The following BABAM2 variants were observed in gnomAD, a reference collection of about 807,000 sequenced individuals.
BABAM2 encodes the protein BRISC and BRCA1-A complex member 2.
In BABAM2, 31 loss-of-function variants were observed where a neutral mutation model predicts 54.7. That is an observed-to-expected ratio of 0.57 (90% CI 0.43 to 0.77). The LOEUF is 0.77. Among genes scored for constraint, BABAM2 ranks in the 30% least tolerant of loss-of-function variants. The pLI is 0.00. For missense variants in BABAM2, 364 were observed against 455.8 expected, an observed-to-expected ratio of 0.80 and a Z score of 1.83; for synonymous variants, 167 against 162.9, an observed-to-expected ratio of 1.03 and a Z score of -0.19.
intron 1 of BABAM2, among the ~76,000 whole-genome samples, chr2:27,891,351 T>G (rs1471705895): frequency 2.0e-5 from 3 of 152,214 alleles, no homozygotes; most frequent in Non-Finnish European, 4.4e-5. Context: ...TCATTTTAAT[T>G]GCAAGAACCT....
Position 28,049,122 on chromosome 2 carries a change from T to C in BABAM2, c.570+3323T>C, listed in dbSNP as rs538767513. 3.9e-5 allele frequency among the ~76,000 whole-genome samples: 6 copies of C among 152,336 alleles called. No individual in the cohort carries two copies. The South Asian group carries it at 1.0e-3, about 26-fold the overall frequency. On this transcript the variant is annotated intron_variant, in intron 6 of 11. Coordinates refer to ENST00000379624, the MANE Select transcript of BABAM2 (RefSeq NM_199191.3). Reference sequence around the variant, plus strand: ...CAGTATTTTGGGGGATAGGAGAGGCTTACTTGTAAATATGATGTGTGTTTG... The same window carrying C: ...CAGTATTTTGGGGGATAGGAGAGGCCTACTTGTAAATATGATGTGTGTTTG...
At chr2:28,003,707 C>A (rs549538061) in intron 4 of BABAM2, among the ~76,000 whole-genome samples, 40 of 152,236 alleles carry the variant, frequency 2.6e-4, no homozygotes, top group African/African-American at 8.9e-4. Flanking sequence ...TTATTGATTA[C>A]TAGGTGGATT....
At chr2:27,959,844 G>A (rs1056108312) in intron 3 of BABAM2, among the ~76,000 whole-genome samples, 3 of 149,168 alleles carry the variant, frequency 2.0e-5, no homozygotes, top group Admixed American at 6.7e-5. Flanking sequence ...TTTTTTTTTC[G>A]TACTTTCAGT....
At chr2:28,246,565 C>G (rs1328964261) in intron 10 of BABAM2, among the ~76,000 whole-genome samples, 2 of 152,146 alleles carry the variant, frequency 1.3e-5, no homozygotes, top group African/African-American at 4.8e-5. Context: ...CTGTGGACAA[C>G]TCCATCACAG....
At position 28,325,088 on chromosome 2, in the gene BABAM2, T is replaced by C. The variant is rs888042807; in HGVS notation, c.1089-13362T>C. On this transcript the variant is annotated intron_variant, in intron 11 of 11. Transcript: ENST00000379624. This position sits in a 1 kb window ranked among gnomAD's most constrained non-coding sequence, Gnocchi z 4.3. ...AGTGCCACATACAGTGCACTCTGAT[T>C]TTATTTCACTTTATTTTAATGCTGC... Among the ~76,000 whole-genome samples, 3 of 152,168 alleles carry C rather than the reference T, an allele frequency of 2.0e-5. No homozygotes were observed. The highest frequency in any genetic ancestry group is 4.4e-5 in the Non-Finnish European group (3 of 68,028).
At chr2:28,292,301 G>A (rs770509291) in intron 10 of BABAM2, among the ~76,000 whole-genome samples, 1 of 152,152 alleles carries the variant, frequency 6.6e-6, no homozygotes, top group Non-Finnish European at 1.5e-5. Flanking sequence ...GGATCGAACT[G>A]TCCCGCAAAA....
Position 28,139,161 on chromosome 2 carries a change from C to T in BABAM2, c.680+9781C>T, listed in dbSNP as rs183558603. On this transcript the variant is annotated intron_variant, in intron 7 of 11. Transcript: ENST00000379624. Reference sequence around the variant, plus strand: ...ATTTTTTTTCAGCTGGGCGCAATGGCTCACGTCTATAATCCCAGCACTCTA... The same window carrying T: ...ATTTTTTTTCAGCTGGGCGCAATGGTTCACGTCTATAATCCCAGCACTCTA... 2.1e-3 allele frequency among the ~76,000 whole-genome samples: 325 copies of T among 151,748 alleles called. 1 individual carries two copies. The highest frequency in any genetic ancestry group is 7.5e-3 in the African/African-American group (310 of 41,368).
chr2:28,026,925 TAAA>T (rs1675847094), intron 5 of BABAM2, among the ~76,000 whole-genome samples: 1 of 30,688 alleles, frequency 3.3e-5, no homozygotes, highest in African/African-American at 8.9e-5. Context: ...TTAATATATA[TAAA>T]TATATATATA....
intron 10 of BABAM2, among the ~76,000 whole-genome samples, chr2:28,284,951 G>A (rs1035309714): frequency 6.6e-6 from 1 of 152,166 alleles, no homozygotes; most frequent in Non-Finnish European, 1.5e-5. Context: ...CAGGAGCCTT[G>A]CAAGGTAGGT....
At chr2:28,129,202 T>A in intron 6 of BABAM2, 69 bp from the exon 7 acceptor site, 1 of 1,408,248 alleles carries the variant, frequency 7.1e-7, no homozygotes, top group African/African-American at 1.4e-5. Flanking sequence ...GCCAGTGGAC[T>A]GTGAGCTTGA....
intron 10 of BABAM2, 134 bp from the exon 11 acceptor site, chr2:28,298,204 C>A: frequency 7.6e-6 from 7 of 918,838 alleles, no homozygotes; most frequent in Non-Finnish European, 1.2e-5. Context: ...ATACACCACA[C>A]CTTTCATCCA....
At chr2:27,904,987 G>A (rs1573129608) in intron 2 of BABAM2, among the ~76,000 whole-genome samples, 2 of 152,266 alleles carry the variant, frequency 1.3e-5, no homozygotes, top group African/African-American at 4.8e-5. Context: ...TCCATACTGC[G>A]TGCTTACTGT....
intron 10 of BABAM2, among the ~76,000 whole-genome samples, chr2:28,247,967 G>A (rs1281577961): frequency 1.3e-5 from 2 of 152,142 alleles, no homozygotes; most frequent in Non-Finnish European, 2.9e-5. Flanking sequence ...TGGCCATGGA[G>A]CATTTCCATC....
Position 28,026,858 on chromosome 2 carries a change from A to ATC in BABAM2, c.495+1439_495+1440insCT, listed in dbSNP as rs1675778317. 6.0e-5 allele frequency among the ~76,000 whole-genome samples: 5 copies of ATC among 83,324 alleles called. No individual in the cohort carries two copies. In the South Asian group the frequency reaches 1.1e-3, roughly 19 times the overall value. 54.7% of individuals were successfully genotyped at this position (83,324 alleles called of 152,430 possible). On this transcript the variant is annotated intron_variant, in intron 5 of 11. Coordinates refer to ENST00000379624, the MANE Select transcript of BABAM2 (RefSeq NM_199191.3). ...AATATATATAAATATATATTTATAT[A>ATC]TATAGATATATATATTTATATATAT...
At chr2:27,932,357 A>G (rs1191516481) in intron 3 of BABAM2, among the ~76,000 whole-genome samples, 1 of 152,014 alleles carries the variant, frequency 6.6e-6, no homozygotes, top group Non-Finnish European at 1.5e-5. Flanking sequence ...TTAGAGATTC[A>G]AAAAAAATGT....
intron 3 of BABAM2, among the ~76,000 whole-genome samples, chr2:27,947,250 AT>A (rs1265224096): frequency 1.3e-5 from 2 of 151,802 alleles, no homozygotes; most frequent in Non-Finnish European, 2.9e-5. Context: ...TTTTGGATTA[AT>A]TAATATTTTA....
intron 4 of BABAM2, among the ~76,000 whole-genome samples, chr2:28,004,689 C>CTT (rs139298331): frequency 4.3e-5 from 6 of 140,618 alleles, no homozygotes; most frequent in Non-Finnish European, 7.8e-5. Flanking sequence ...TTTAAAGATA[C>CTT]TTTTTTTTTT....
chr2:28,212,254 T>C (rs1372193766), intron 7 of BABAM2, among the ~76,000 whole-genome samples: 1 of 152,248 alleles, frequency 6.6e-6, no homozygotes, highest in Non-Finnish European at 1.5e-5. Flanking sequence ...ATTCATTTAT[T>C]CAGCATTTGA....
chr2:28,292,020 A>C (rs905092932), intron 10 of BABAM2, among the ~76,000 whole-genome samples: 3 of 152,194 alleles, frequency 2.0e-5, no homozygotes, highest in Non-Finnish European at 4.4e-5. Context: ...GCAATTCAAC[A>C]AGGGGTTAAA....
Sources: gnomAD v4.1 joint callset for allele counts (sites outside exome capture counted in the v4.1 genomes callset) on GRCh38, gnomAD v4.1.1 for gene constraint, Gnocchi (gnomAD v3.1) non-coding constraint, MANE v1.5 for transcripts, NCBI Gene and HGNC (gene_info 2026-07-23, HGNC 2026-07-21) for gene names.